The following FSTL4 variants were observed in gnomAD, a reference collection of about 807,000 sequenced individuals.
FSTL4 encodes the protein follistatin-related protein 4.
In FSTL4, 28 loss-of-function variants were observed where a neutral mutation model predicts 78.2. The ratio of observed to expected loss-of-function variants is 0.36; its 90% CI spans 0.27 to 0.49. The LOEUF (loss-of-function observed/expected upper bound fraction) is 0.49. Ranked by LOEUF, FSTL4 falls within the 20% of genes least tolerant of loss-of-function variation. The probability of loss-of-function intolerance (pLI) is 0.98; values close to 1 mark genes in which losing one functional copy is unlikely to be tolerated. For synonymous variants in FSTL4, 422 were observed against 440.5 expected (o/e 0.96, Z 0.53); for missense variants, 922 against 1,084.9 (o/e 0.85, Z 2.11).
Position 133,612,066 on chromosome 5 carries a change from C to T in FSTL4, c.-11+259G>A, listed in dbSNP as rs545621604. On this transcript the variant is annotated intron_variant, in intron 1 of 15. Transcript: ENST00000265342. This position sits in a 1 kb window ranked among gnomAD's most constrained non-coding sequence, Gnocchi z 6.2. ...CACCGTAGACCCCGGCCACGAGCCT[C>T]GGCGTCCCAGCCTCTCCTCGAGTCC... 1.3e-4 allele frequency among the ~76,000 whole-genome samples: 20 copies of T among 152,128 alleles called. No homozygotes were observed. In the South Asian group the frequency reaches 3.1e-3, roughly 24 times the overall value.
At chr5:133,510,071 C>T (rs1335032152) in intron 3 of FSTL4, among the ~76,000 whole-genome samples, 2 of 152,336 alleles carry the variant, frequency 1.3e-5, no homozygotes, top group East Asian at 3.9e-4. Context: ...GTATTTAGTA[C>T]GTTATATCCT....
the FSTL4 span, among the ~76,000 whole-genome samples, chr5:133,793,935 G>A: frequency 6.6e-6 from 1 of 152,232 alleles, no homozygotes; most frequent in Non-Finnish European, 1.5e-5. Context: ...TGTGGGATTT[G>A]TAGACGCCCA....
At position 133,361,902 on chromosome 5, in the gene FSTL4, T is replaced by C. The variant is rs1755079857; in HGVS notation, c.409+38836A>G. ...ATGCCCCCATTTTTTGGATATCCCA[T>C]TGGATATTCACGTAGTTGAAAACAT... On this transcript the variant is annotated intron_variant, in intron 4 of 15. Coordinates refer to ENST00000265342, the MANE Select transcript of FSTL4 (RefSeq NM_015082.2). The surrounding 1 kb of genome is among the most constrained non-coding windows in gnomAD (Gnocchi z 4.3). 6.6e-6 allele frequency among the ~76,000 whole-genome samples: 1 copy of C among 152,242 alleles called. No individual in the cohort carries two copies. The highest frequency in any genetic ancestry group is 1.5e-5 in the Non-Finnish European group (1 of 68,050).
At chr5:133,641,423 C>T in the FSTL4 span, among the ~76,000 whole-genome samples, 54 of 152,214 alleles carry the variant, frequency 3.5e-4, 1 homozygote, top group Middle Eastern at 6.8e-3. Flanking sequence ...CTAAACTTAA[C>T]AACTGTTTTA....
chr5:133,460,322 C>G (rs73283605), intron 3 of FSTL4, among the ~76,000 whole-genome samples: 2,646 of 152,170 alleles, frequency 0.017, 65 homozygotes, highest in African/African-American at 0.06. Flanking sequence ...GGGCAGCAAC[C>G]AAGCCACCGG....
At chr5:133,229,759 T>A (rs1751434953) in intron 8 of FSTL4, among the ~76,000 whole-genome samples, 1 of 152,188 alleles carries the variant, frequency 6.6e-6, no homozygotes, top group South Asian at 2.1e-4. Flanking sequence ...TGATGCATTT[T>A]ACAAAGCTGT....
intron 4 of FSTL4, among the ~76,000 whole-genome samples, chr5:133,388,864 C>T (rs1209482146): frequency 6.6e-6 from 1 of 151,696 alleles, no homozygotes; most frequent in Non-Finnish European, 1.5e-5. Context: ...ATCTTCTTCT[C>T]ATTCTCGGTG....
intron 6 of FSTL4, among the ~76,000 whole-genome samples, chr5:133,302,036 C>T (rs1753552851): frequency 1.3e-5 from 2 of 152,010 alleles, no homozygotes; most frequent in Admixed American, 6.6e-5. Flanking sequence ...TGTACCTGTG[C>T]TGAGTCCAGC....
chr5:133,336,513 T>C (rs1754468650), intron 4 of FSTL4, among the ~76,000 whole-genome samples: 1 of 152,222 alleles, frequency 6.6e-6, no homozygotes, highest in African/African-American at 2.4e-5. Context: ...TGCTGAGAGC[T>C]GTGTGAATGC....
chr5:133,284,994 G>C (rs1184578562), intron 6 of FSTL4, among the ~76,000 whole-genome samples: 2 of 152,204 alleles, frequency 1.3e-5, no homozygotes, highest in African/African-American at 2.4e-5. Context: ...GTGGGAAATA[G>C]GGAGCCAGCG....
At chr5:133,552,897 G>A (rs3903170) in intron 3 of FSTL4, among the ~76,000 whole-genome samples, 3 of 152,200 alleles carry the variant, frequency 2.0e-5, no homozygotes, top group Non-Finnish European at 4.4e-5. Flanking sequence ...CTAAGAATTA[G>A]CAGCAGATAG....
chr5:133,804,724 C>G, the FSTL4 span, among the ~76,000 whole-genome samples: 1 of 152,092 alleles, frequency 6.6e-6, no homozygotes, highest in South Asian at 2.1e-4. Flanking sequence ...GCAGGTGTAT[C>G]ATGAGGTCAG....
chr5:133,407,366 T>C (rs1937050351), intron 3 of FSTL4, among the ~76,000 whole-genome samples: 1 of 152,218 alleles, frequency 6.6e-6, no homozygotes, highest in Admixed American at 6.5e-5. Context: ...AGATGTGATG[T>C]ATTCTCAGTG....
chr5:133,492,609 C>G (rs1404510859), intron 3 of FSTL4, among the ~76,000 whole-genome samples: 1 of 151,932 alleles, frequency 6.6e-6, no homozygotes, highest in Admixed American at 6.5e-5. Context: ...TTTTTTTCTT[C>G]TTTGGTCACT....
At chr5:133,685,130 C>G in the FSTL4 span, among the ~76,000 whole-genome samples, 2 of 152,188 alleles carry the variant, frequency 1.3e-5, no homozygotes, top group Non-Finnish European at 2.9e-5. Context: ...TTCTAATTTT[C>G]AAAGGGCATG....
At chr5:133,214,781 C>G (rs1044966644) in intron 13 of FSTL4, among the ~76,000 whole-genome samples, 1 of 152,152 alleles carries the variant, frequency 6.6e-6, no homozygotes, top group Non-Finnish European at 1.5e-5. Flanking sequence ...TGACTCCTGC[C>G]TAGAGTCAAT....
chr5:133,258,818 C>T (rs1479385784), intron 6 of FSTL4, among the ~76,000 whole-genome samples: 1 of 152,126 alleles, frequency 6.6e-6, no homozygotes, highest in African/African-American at 2.4e-5. Flanking sequence ...AAAGAAATAC[C>T]AGTTAACGTA....
rs189061592 is a variant in FSTL4 at position 133,558,711 on chromosome 5, A to C, written c.160+8475T>G. 1.2e-4 allele frequency among the ~76,000 whole-genome samples: 18 copies of C among 152,286 alleles called. No homozygotes were observed. The East Asian group carries it at 1.7e-3, about 15-fold the overall frequency. The stretch of plus-strand genomic sequence containing the variant: ...AACCTTGGCCAAGAAATATAACCCA[A>C]ATAAGAGCATGTAGAGACCAGTGGG... On this transcript the variant is annotated intron_variant, in intron 3 of 15. Coordinates refer to ENST00000265342, the MANE Select transcript of FSTL4 (RefSeq NM_015082.2).
At chr5:133,728,136 A>G in the FSTL4 span, among the ~76,000 whole-genome samples, 2 of 152,246 alleles carry the variant, frequency 1.3e-5, no homozygotes, top group South Asian at 4.1e-4. Context: ...ACAGCCACTC[A>G]ACAGATTTGT....
Sources: gnomAD v4.1 joint callset for allele counts (sites outside exome capture counted in the v4.1 genomes callset) on GRCh38, gnomAD v4.1.1 for gene constraint, Gnocchi (gnomAD v3.1) non-coding constraint, MANE v1.5 for transcripts, NCBI Gene and HGNC (gene_info 2026-07-23, HGNC 2026-07-21) for gene names.